The following EPB41 variants were observed in gnomAD, a reference collection of about 807,000 sequenced individuals.
EPB41 encodes erythrocyte membrane protein band 4.1.
Under a neutral mutation model 108.0 loss-of-function variants are expected in EPB41, and 65 were observed. The observed-to-expected ratio is 0.60, with a 90% CI of 0.49 to 0.74. The LOEUF (loss-of-function observed/expected upper bound fraction) is 0.74. EPB41 is among the 30% of genes least tolerant of loss of function. EPB41 has a pLI of 0.00. For missense variants in EPB41, 875 were observed against 1,037.0 expected, an observed-to-expected ratio of 0.84 and a Z score of 2.15; for synonymous variants, 336 against 358.9, an observed-to-expected ratio of 0.94 and a Z score of 0.72.
intron 16 of EPB41, among the ~76,000 whole-genome samples, chr1:29,078,116 T>A (rs968142325): frequency 2.0e-5 from 3 of 152,042 alleles, no homozygotes; most frequent in African/African-American, 7.2e-5. Flanking sequence ...ATCTCAGCTA[T>A]TCGGGAGACT....
At chr1:29,083,551 T>C (rs893460773) in intron 16 of EPB41, among the ~76,000 whole-genome samples, 2 of 152,206 alleles carry the variant, frequency 1.3e-5, no homozygotes, top group African/African-American at 4.8e-5. Context: ...ATGTGCTGTT[T>C]ACACATGGCT....
At chr1:29,040,395 C>T (rs1641033773) in intron 11 of EPB41, among the ~76,000 whole-genome samples, 1 of 152,062 alleles carries the variant, frequency 6.6e-6, no homozygotes, top group Admixed American at 6.6e-5. Flanking sequence ...ATTCTCCTGC[C>T]TTAGTCTCCC....
intron 1 of EPB41, among the ~76,000 whole-genome samples, chr1:28,890,016 ATTTTTATTTTT>A (rs2089945223): frequency 2.8e-5 from 1 of 35,152 alleles, no homozygotes; most frequent in Admixed American, 5.3e-4. Context: ...TTTTATTTTT[ATTTTTATTTTT>A]ATTTTATTTT....
chr1:29,099,446 C>T (rs557464381), intron 17 of EPB41, among the ~76,000 whole-genome samples: 28 of 152,172 alleles, frequency 1.8e-4, no homozygotes, highest in South Asian at 8.3e-4. Flanking sequence ...CCACCTTTGC[C>T]TCCCAAGTAG....
intron 1 of EPB41, among the ~76,000 whole-genome samples, chr1:28,923,349 C>A (rs1413797796): frequency 2.0e-5 from 3 of 152,102 alleles, no homozygotes; most frequent in Non-Finnish European, 4.4e-5. Context: ...CCCGCCTCGG[C>A]CTCCCAAAGT....
At chr1:28,989,430 A>G in intron 2 of EPB41, 1 of 975,642 alleles carries the variant, frequency 1.0e-6, no homozygotes, top group Non-Finnish European at 1.2e-6. Context: ...CTGCATCGTT[A>G]AAAGTGTAAG....
chr1:28,919,848 C>G (rs2092949024), intron 1 of EPB41, among the ~76,000 whole-genome samples: 1 of 152,088 alleles, frequency 6.6e-6, no homozygotes, highest in South Asian at 2.1e-4. Flanking sequence ...TTTATTATTG[C>G]AATTAAGAGC....
intron 14 of EPB41, 149 bp downstream of exon 14, chr1:29,059,001 G>A: frequency 3.7e-6 from 3 of 814,638 alleles, no homozygotes; most frequent in East Asian, 2.7e-5. Flanking sequence ...TGGGCCAGGA[G>A]CATTGGCTCA....
intron 1 of EPB41, among the ~76,000 whole-genome samples, chr1:28,901,042 G>A (rs964688446): frequency 6.6e-6 from 1 of 151,930 alleles, no homozygotes; most frequent in Non-Finnish European, 1.5e-5. Flanking sequence ...CCATTCTCCT[G>A]CCTCAGCCTC....
rs767385784 is a variant in EPB41, at chr1:28,938,311, C to T, written c.-8+23543C>T. On this transcript the variant is annotated intron_variant, in intron 1 of 20. Coordinates refer to ENST00000343067, the MANE Select transcript of EPB41 (RefSeq NM_001376013.1). Reference sequence around the variant, plus strand: ...TTTGGGAATATTGCCATCTTAACAACGTGAAGTCTTCTAATCTATGAACAT... The same window carrying T: ...TTTGGGAATATTGCCATCTTAACAATGTGAAGTCTTCTAATCTATGAACAT... Among the ~76,000 whole-genome samples, 7 of 152,294 alleles carry T rather than the reference C, an allele frequency of 4.6e-5. No individual in the cohort carries two copies. The South Asian group carries it at 6.2e-4, about 14-fold the overall frequency.
rs534378631 is a variant in EPB41 at position 29,049,684 on chromosome 1, T to C, written c.1637-3420T>C. On this transcript the variant is annotated intron_variant, in intron 11 of 20. Transcript: ENST00000343067. ...TGTTTGCCTTTACTCAGTCTGATGGTTTGAATTTTATTCTTTACTGCTGTA... is the reference window on the plus strand; with the variant it reads ...TGTTTGCCTTTACTCAGTCTGATGGCTTGAATTTTATTCTTTACTGCTGTA... Among the ~76,000 whole-genome samples, 14 of 152,346 alleles carry C rather than the reference T, an allele frequency of 9.2e-5. No homozygotes were observed. In the South Asian group the frequency reaches 2.5e-3, roughly 27 times the overall value.
At chr1:28,961,588 A>C (rs2095215854) in intron 1 of EPB41, among the ~76,000 whole-genome samples, 1 of 152,218 alleles carries the variant, frequency 6.6e-6, no homozygotes, top group South Asian at 2.1e-4. Context: ...TGGGGATAAT[A>C]TCTCTTCTCT....
intron 1 of EPB41, among the ~76,000 whole-genome samples, chr1:28,947,356 G>A (rs565404841): frequency 1.3e-5 from 2 of 151,724 alleles, no homozygotes; most frequent in South Asian, 2.1e-4. Context: ...TGCAGTGGGC[G>A]GAGATCGCAC....
chr1:28,890,229 G>T (rs1046785259), intron 1 of EPB41, among the ~76,000 whole-genome samples: 1 of 151,928 alleles, frequency 6.6e-6, no homozygotes, highest in African/African-American at 2.4e-5. Context: ...GTAGAGATAG[G>T]ATTTTGCCAT....
intron 4 of EPB41, among the ~76,000 whole-genome samples, chr1:28,999,175 C>G (rs911227331): frequency 6.6e-6 from 1 of 152,014 alleles, no homozygotes; most frequent in African/African-American, 2.4e-5. Flanking sequence ...TCAAGACCAT[C>G]CTGGCTAACA....
intron 20 of EPB41, among the ~76,000 whole-genome samples, chr1:29,116,150 C>CT (rs537469371): frequency 0.72 from 82,379 of 113,738 alleles, 31,071 homozygotes; most frequent in Non-Finnish European, 0.8. Context: ...ACAGGTCTCT[C>CT]TTTTTTTTTT....
intron 1 of EPB41, among the ~76,000 whole-genome samples, chr1:28,946,295 A>G (rs2094487057): frequency 6.6e-6 from 1 of 151,862 alleles, no homozygotes; most frequent in African/African-American, 2.4e-5. Flanking sequence ...TTGCAGTGCT[A>G]AAGGGGTTTC....
chr1:29,082,105 C>T (rs923096398), intron 16 of EPB41, among the ~76,000 whole-genome samples: 7 of 152,008 alleles, frequency 4.6e-5, no homozygotes, highest in Non-Finnish European at 8.8e-5. Flanking sequence ...ATCAAGGTAA[C>T]TATTTCTTGG....
At position 29,115,297 on chromosome 1, in the gene EPB41, G is replaced by A. The variant is rs1352300380; in HGVS notation, c.2497-402G>A. On this transcript the variant is annotated intron_variant, in intron 19 of 20. Coordinates refer to ENST00000343067, the MANE Select transcript of EPB41 (RefSeq NM_001376013.1). This position sits in a 1 kb window ranked among gnomAD's most constrained non-coding sequence, Gnocchi z 4.4. The stretch of plus-strand genomic sequence containing the variant: ...AATCCCAGCTACTCAGGAGGCTGAA[G>A]CAGGAGAACTGCTTGAACCTGGGAG... 2.6e-5 allele frequency among the ~76,000 whole-genome samples: 4 copies of A among 152,286 alleles called. No homozygotes were observed. The East Asian group carries it at 7.7e-4, about 29-fold the overall frequency.
Sources: gnomAD v4.1 joint callset for allele counts (sites outside exome capture counted in the v4.1 genomes callset) on GRCh38, gnomAD v4.1.1 for gene constraint, Gnocchi (gnomAD v3.1) non-coding constraint, MANE v1.5 for transcripts, NCBI Gene and HGNC (gene_info 2026-07-23, HGNC 2026-07-21) for gene names.